DCDC1: variants seen among roughly 807,000 people sequenced by gnomAD.
DCDC1 encodes doublecortin domain containing 1.
DCDC1 carries 200 observed loss-of-function variants against 178.3 expected under a neutral mutation model. The observed-to-expected ratio is 1.12, with a 90% CI of 1.00 to 1.26. The LOEUF (loss-of-function observed/expected upper bound fraction) is 1.26, where lower values mean the gene tolerates loss of function less well. Among genes scored for constraint, DCDC1 ranks in the 50% most tolerant of loss-of-function variants. DCDC1 has a pLI of 0.00. For missense variants in DCDC1, 1,983 were observed against 1,749.2 expected (o/e 1.13, Z -2.38); for synonymous variants, 690 against 604.8 (o/e 1.14, Z -2.07).
intron 15 of DCDC1, among the ~76,000 whole-genome samples, chr11:31,099,475 C>A (rs1958362279): frequency 1.3e-5 from 2 of 152,146 alleles, no homozygotes; most frequent in Non-Finnish European, 2.9e-5. Context: ...ATAGAGCCTA[C>A]CATTCTCCCC....
At chr11:30,946,550 G>A (rs1256113902) in intron 21 of DCDC1, among the ~76,000 whole-genome samples, 5 of 152,084 alleles carry the variant, frequency 3.3e-5, no homozygotes, top group African/African-American at 1.2e-4. Flanking sequence ...ATCTTTAGGG[G>A]CCAAAACAAT....
chr11:31,281,784 C>T lies in DCDC1; in HGVS notation c.960+8863G>A, dbSNP rs552605666. 5.9e-5 allele frequency among the ~76,000 whole-genome samples: 9 copies of T among 152,220 alleles called. No individual in the cohort carries two copies. In the South Asian group the frequency reaches 1.9e-3, roughly 32 times the overall value. On this transcript the variant is annotated intron_variant, in intron 7 of 38. Transcript: ENST00000684477. ...GCTTGGCTTTCGTTCTCCCTCTTGC[C>T]ACCACCATGTGAGACGTGCTGTTTG...
chr11:31,333,649 G>C (rs1318809523), intron 2 of DCDC1, among the ~76,000 whole-genome samples: 1 of 152,100 alleles, frequency 6.6e-6, no homozygotes, highest in African/African-American at 2.4e-5. Flanking sequence ...GCTTAGTTTG[G>C]CTGGATATGA....
chr11:31,255,632 G>A (rs1301238296), intron 8 of DCDC1, among the ~76,000 whole-genome samples: 1 of 152,066 alleles, frequency 6.6e-6, no homozygotes, highest in Non-Finnish European at 1.5e-5. Flanking sequence ...ACTTCTTTGG[G>A]AAAACGTTGA....
chr11:31,341,256 C>T (rs1269007100), intron 1 of DCDC1, among the ~76,000 whole-genome samples: 5 of 152,118 alleles, frequency 3.3e-5, no homozygotes, highest in Admixed American at 6.5e-5. Flanking sequence ...CAACAGTGCC[C>T]ACTGCAGTGA....
chr11:31,000,039 T>C (rs968004629), intron 20 of DCDC1, among the ~76,000 whole-genome samples: 3 of 152,072 alleles, frequency 2.0e-5, no homozygotes, highest in Non-Finnish European at 4.4e-5. Flanking sequence ...GTGCTGGCTG[T>C]GGAGGAGCAG....
intron 28 of DCDC1, among the ~76,000 whole-genome samples, chr11:30,910,610 A>C (rs1024654668): frequency 1.3e-5 from 2 of 152,228 alleles, no homozygotes; most frequent in African/African-American, 4.8e-5. Context: ...GGACACAGAA[A>C]GTACATGCAA....
intron 20 of DCDC1, among the ~76,000 whole-genome samples, chr11:31,018,736 T>C (rs1952661108): frequency 6.6e-6 from 1 of 152,192 alleles, no homozygotes; most frequent in South Asian, 2.1e-4. Context: ...CATGCACTTA[T>C]GATGAGAGAT....
At position 31,230,885 on chromosome 11, in the gene DCDC1, C is replaced by T. The variant is rs534418319; in HGVS notation, c.1221+10565G>A. ...GAGGTGAAATACCAGAGCAGTTTTACATCAATAATTATCCATTTTTTTTAA... is the reference window on the plus strand; with the variant it reads ...GAGGTGAAATACCAGAGCAGTTTTATATCAATAATTATCCATTTTTTTTAA... On this transcript the variant is annotated intron_variant, in intron 9 of 38. Coordinates refer to ENST00000684477, the MANE Select transcript of DCDC1 (RefSeq NM_001387274.1). Among the ~76,000 whole-genome samples the T allele has an allele frequency of 1.0e-3, 154 of 152,140 alleles. 1 individual carries two copies. Among genetic ancestry groups the T allele is most frequent in the South Asian group, 3.1e-3 (15 of 4,810 alleles).
intron 20 of DCDC1, among the ~76,000 whole-genome samples, chr11:30,972,396 A>G (rs1949852934): frequency 6.6e-6 from 1 of 152,184 alleles, no homozygotes; most frequent in Non-Finnish European, 1.5e-5. Context: ...AAGGAGAAAT[A>G]AAGTCTTTCT....
At chr11:30,904,156 T>C (rs1384043247) in intron 31 of DCDC1, 2 of 152,270 alleles carry the variant, frequency 1.3e-5, no homozygotes, top group Non-Finnish European at 2.9e-5. Flanking sequence ...AAAATTTTTG[T>C]CCAAGACCAT....
chr11:31,363,651 T>A (rs1369912359), intron 1 of DCDC1, among the ~76,000 whole-genome samples: 1 of 152,202 alleles, frequency 6.6e-6, no homozygotes, highest in Non-Finnish European at 1.5e-5. Context: ...CCTGGAAACA[T>A]CTTCATTATA....
intron 14 of DCDC1, among the ~76,000 whole-genome samples, chr11:31,102,632 T>C (rs1418786402): frequency 1.3e-5 from 2 of 152,250 alleles, no homozygotes; most frequent in Non-Finnish European, 2.9e-5. Context: ...AAGGTTGTTA[T>C]AGCTAGGTGG....
chr11:30,983,571 T>C (rs1252138772), intron 20 of DCDC1, among the ~76,000 whole-genome samples: 1 of 152,218 alleles, frequency 6.6e-6, no homozygotes, highest in Non-Finnish European at 1.5e-5. Flanking sequence ...AATATCATTA[T>C]TCAGATTTAT....
intron 20 of DCDC1, among the ~76,000 whole-genome samples, chr11:30,981,255 G>T (rs1423359424): frequency 3.3e-5 from 5 of 152,088 alleles, no homozygotes; most frequent in Non-Finnish European, 7.3e-5. Flanking sequence ...CACCATTTGA[G>T]TGATGGGCAC....
chr11:30,969,438 C>T (rs1023320547), intron 20 of DCDC1, among the ~76,000 whole-genome samples: 23 of 152,154 alleles, frequency 1.5e-4, no homozygotes, highest in African/African-American at 5.1e-4. Flanking sequence ...TTCCCTATAA[C>T]CTCCAGAGGT....
intron 6 of DCDC1, among the ~76,000 whole-genome samples, chr11:31,292,732 A>G (rs1376069526): frequency 3.3e-5 from 5 of 152,134 alleles, no homozygotes; most frequent in Non-Finnish European, 2.9e-5. Flanking sequence ...ATGCTACTAA[A>G]TTGCTCACTT....
At chr11:31,029,589 CTA>C (rs1216648372) in intron 20 of DCDC1, among the ~76,000 whole-genome samples, 1 of 151,884 alleles carries the variant, frequency 6.6e-6, no homozygotes, top group Non-Finnish European at 1.5e-5. Context: ...TTCAGATATT[CTA>C]TGTTGTTTTG....
intron 31 of DCDC1, chr11:30,903,925 T>C (rs1338958233): frequency 1.9e-5 from 6 of 322,006 alleles, no homozygotes; most frequent in Non-Finnish European, 2.8e-5. Context: ...AAATTTAACA[T>C]GGCAGCTGAC....
Sources: allele counts gnomAD v4.1 joint callset (sites outside exome capture counted in the v4.1 genomes callset), GRCh38; gene constraint gnomAD v4.1.1; transcripts MANE v1.5; gene names NCBI Gene and HGNC (gene_info 2026-07-23, HGNC 2026-07-21).